The following MSL2 variants were observed in gnomAD, a reference collection of about 807,000 sequenced individuals.
The protein encoded by MSL2 is MSL complex subunit 2, also known as E3 ubiquitin-protein ligase MSL2.
In MSL2, 2 loss-of-function variants were observed where a neutral mutation model predicts 35.8. The ratio of observed to expected loss-of-function variants is 0.06; its 90% CI spans 0.02 to 0.18. The LOEUF is 0.18. Ranked by LOEUF, MSL2 falls within the 10% of genes least tolerant of loss-of-function variation. The pLI is 1.00. For missense variants in MSL2, 523 were observed against 706.7 expected (o/e 0.74, Z 2.95); for synonymous variants, 296 against 255.7 (o/e 1.16, Z -1.50).
chr3:136,165,868 G>C (rs189366746), intron 1 of MSL2, among the ~76,000 whole-genome samples: 1 of 146,502 alleles, frequency 6.8e-6, no homozygotes, highest in Non-Finnish European at 1.5e-5. Flanking sequence ...TTAAAGTTAA[G>C]AGTATAATGG....
intron 1 of MSL2, among the ~76,000 whole-genome samples, chr3:136,154,282 C>T (rs1040634142): frequency 1.3e-5 from 2 of 152,102 alleles, no homozygotes; most frequent in African/African-American, 2.4e-5. Flanking sequence ...GATTTCAAAA[C>T]GACCATGGTT....
chr3:136,183,235 T>C lies in MSL2; in HGVS notation c.142+11737A>G, dbSNP rs137904207. 5.3e-5 allele frequency among the ~76,000 whole-genome samples: 8 copies of C among 151,448 alleles called. No homozygotes were observed. The East Asian group carries it at 5.9e-4, about 11-fold the overall frequency. ...AACAAACCCAGAAAATGAAAGATGA[T>C]AGAATTAGTAAACAACATTAAAAAT... is the stretch of plus-strand genomic sequence containing the variant. On this transcript the variant is annotated intron_variant, in intron 1 of 1. Coordinates refer to ENST00000309993, the MANE Select transcript of MSL2 (RefSeq NM_018133.4).
chr3:136,157,270 AGGAAGGCGGGCCAATCACCTGAGG>A (rs1284309056), intron 1 of MSL2, among the ~76,000 whole-genome samples: 2 of 117,866 alleles, frequency 1.7e-5, no homozygotes, highest in African/African-American at 9.4e-5. Context: ...ACCTGAGGTC[AGGAAGGCGGGCCAATCACCTGAGG>A]TCAGGAGTTC....
chr3:136,165,734 A>T (rs1011280682), intron 1 of MSL2, among the ~76,000 whole-genome samples: 2 of 152,204 alleles, frequency 1.3e-5, no homozygotes, highest in African/African-American at 4.8e-5. Flanking sequence ...AAATCCAGAC[A>T]TCATTAATTT....
At position 136,151,289 on chromosome 3, in the gene MSL2, A is replaced by G; in HGVS notation, c.1592T>C (p.Val531Ala). Residue 531 changes from valine (V) to alanine (A), a missense_variant, in exon 2 of 2, where the codon GTG (valine) becomes GCG (alanine). Val to Ala is a moderately conservative substitution (Grantham distance 64). This residue lies in a region of MSL2 where 60 missense variants were observed against 75.1 expected (regional missense o/e 0.80). Coordinates refer to ENST00000309993, the MANE Select transcript of MSL2 (RefSeq NM_018133.4). The surrounding 1 kb of genome is among the most constrained non-coding windows in gnomAD (Gnocchi z 5.2). Reference protein sequence around the residue: ...EQTRLTLGINVTSIAVRNAST... With the variant: ...EQTRLTLGINATSIAVRNAST... The stretch of plus-strand genomic sequence containing the variant: ...AGCGTTACGCACAGCAATGCTAGTC[A>G]CGTTAATGCCCAAAGTGAGCCTGGT... 1 of 1,614,236 alleles carries G rather than the reference A, an allele frequency of 6.2e-7. No homozygotes were observed. Among genetic ancestry groups the G allele is most frequent in the Non-Finnish European group, 8.5e-7 (1 of 1,180,040 alleles).
chr3:136,154,748 A>C (rs1190690818), intron 1 of MSL2, among the ~76,000 whole-genome samples: 1 of 152,214 alleles, frequency 6.6e-6, no homozygotes, highest in Non-Finnish European at 1.5e-5. Context: ...TATAGCTCTG[A>C]AAGTCTGTAT....
At chr3:136,194,442 TAACCGTCA>T (rs1300496977) in intron 1 of MSL2, 18 of 985,344 alleles carry the variant, frequency 1.8e-5, no homozygotes, top group Non-Finnish European at 2.2e-5. Context: ...GGCTCGCTGT[TAACCGTCA>T]AACCGTCAAA....
chr3:136,161,818 C>G (rs1939714158), intron 1 of MSL2, among the ~76,000 whole-genome samples: 1 of 152,040 alleles, frequency 6.6e-6, no homozygotes. Context: ...TAAGACAAGG[C>G]ACCAATAGTT....
At chr3:136,164,679 G>C (rs1262822331) in intron 1 of MSL2, among the ~76,000 whole-genome samples, 1 of 151,658 alleles carries the variant, frequency 6.6e-6, no homozygotes, top group African/African-American at 2.4e-5. Context: ...ACTTGAATTT[G>C]TTGGAAAAAA....
chr3:136,180,205 C>T (rs568637221), intron 1 of MSL2, among the ~76,000 whole-genome samples: 1 of 152,164 alleles, frequency 6.6e-6, no homozygotes, highest in South Asian at 2.1e-4. Flanking sequence ...CTTATGTTTC[C>T]GACTAAAATT....
At chr3:136,171,461 T>C (rs900983003) in intron 1 of MSL2, among the ~76,000 whole-genome samples, 66 of 152,336 alleles carry the variant, frequency 4.3e-4, no homozygotes, top group African/African-American at 1.5e-3. Flanking sequence ...CGAAAGCATG[T>C]GACCATGAAT....
intron 1 of MSL2, among the ~76,000 whole-genome samples, chr3:136,162,422 AAAT>A (rs1345007232): frequency 6.6e-6 from 1 of 152,046 alleles, no homozygotes; most frequent in Non-Finnish European, 1.5e-5. Flanking sequence ...TCTCTACAAA[AAAT>A]AAAAAAAATT....
At chr3:136,167,507 G>A (rs909570194) in intron 1 of MSL2, among the ~76,000 whole-genome samples, 1 of 151,982 alleles carries the variant, frequency 6.6e-6, no homozygotes, top group East Asian at 1.9e-4. Flanking sequence ...TCTTTTTCTG[G>A]TCATGCTTCC....
chr3:136,177,680 TAAAAA>T (rs397738424), intron 1 of MSL2, among the ~76,000 whole-genome samples: 6 of 78,502 alleles, frequency 7.6e-5, no homozygotes, highest in African/African-American at 2.2e-4. Context: ...CTCCGTCTCA[TAAAAA>T]AAAAAAAAAA....
chr3:136,186,749 T>G (rs1940535139), intron 1 of MSL2, among the ~76,000 whole-genome samples: 1 of 152,214 alleles, frequency 6.6e-6, no homozygotes, highest in South Asian at 2.1e-4. Flanking sequence ...CTATAATTAT[T>G]TCATTACATA....
At chr3:136,180,743 GAGGAGGGA>G (rs1304196588) in intron 1 of MSL2, among the ~76,000 whole-genome samples, 25 of 117,702 alleles carry the variant, frequency 2.1e-4, no homozygotes, top group Middle Eastern at 4.7e-3. Flanking sequence ...AAGAGGAGGA[GAGGAGGGA>G]AGGAGGGAAG....
rs201639045 is a variant in MSL2 at position 136,151,156 on chromosome 3, G to T, written c.1725C>A (p.Phe575Leu). 6.2e-7 allele frequency: 1 copy of T among 1,608,772 alleles called. No homozygotes were observed. Among genetic ancestry groups the T allele is most frequent in the South Asian group, 1.1e-5 (1 of 91,004 alleles). ...KSLDEAIDMR[F>L]DC ...TAAAAGACCCACTGATTTAACAGTCGAATCTCATGTCTATAGCTTCATCCA... is the reference window on the plus strand; with the variant it reads ...TAAAAGACCCACTGATTTAACAGTCTAATCTCATGTCTATAGCTTCATCCA... Residue 575 changes from phenylalanine (F) to leucine (L), a missense_variant, in exon 2 of 2, where the codon TTC becomes TTA. Around this residue, in one of 5 missense-constraint regions of MSL2, gnomAD observed 60 missense variants for 75.1 expected, o/e 0.80. Transcript: ENST00000309993. This position sits in a 1 kb window ranked among gnomAD's most constrained non-coding sequence, Gnocchi z 5.2.
chr3:136,178,705 T>C lies in MSL2; in HGVS notation c.142+16267A>G, dbSNP rs1042222695. ...GCCCACCATGGCACCCAGCTAACTT[T>C]TTTATTTTTAGTAGAGACGGGGTTT... On this transcript the variant is annotated intron_variant, in intron 1 of 1. Transcript: ENST00000309993. Among the ~76,000 whole-genome samples, 13 of 151,740 alleles carry C rather than the reference T, an allele frequency of 8.6e-5. No homozygotes were observed. The East Asian group carries it at 1.2e-3, about 14-fold the overall frequency.
chr3:136,169,611 G>A (rs1055754171), intron 1 of MSL2, among the ~76,000 whole-genome samples: 21 of 151,956 alleles, frequency 1.4e-4, no homozygotes, highest in African/African-American at 5.1e-4. Context: ...ACCACGCCCA[G>A]CTAATATTTT....
Sources: allele counts gnomAD v4.1 joint callset (sites outside exome capture counted in the v4.1 genomes callset), GRCh38; gene constraint gnomAD v4.1.1; regional missense constraint gnomAD v4.1.1; non-coding constraint Gnocchi (gnomAD v3.1); transcripts MANE v1.5; gene names NCBI Gene and HGNC (gene_info 2026-07-23, HGNC 2026-07-21).